CTNNA2: variants seen among roughly 807,000 people sequenced by gnomAD.
The protein encoded by CTNNA2 is catenin alpha 2.
In CTNNA2, 42 loss-of-function variants were observed where a neutral mutation model predicts 101.0. The ratio of observed to expected loss-of-function variants is 0.42; its 90% CI spans 0.32 to 0.54. The LOEUF (loss-of-function observed/expected upper bound fraction) is 0.54, where lower values mean the gene tolerates loss of function less well. Ranked by LOEUF, CTNNA2 falls within the 20% of genes least tolerant of loss-of-function variation. CTNNA2 has a pLI of 0.14. For synonymous variants in CTNNA2, 450 were observed against 456.4 expected (o/e 0.99, Z 0.18); for missense variants, 871 against 1,223.1 (o/e 0.71, Z 4.29).
At chr2:80,624,557 C>T (rs1671477169) in intron 18 of CTNNA2, among the ~76,000 whole-genome samples, 1 of 151,928 alleles carries the variant, frequency 6.6e-6, no homozygotes, top group African/African-American at 2.4e-5. Context: ...GAAAGTGAGT[C>T]TTAGTTCACA....
At chr2:80,443,039 A>G (rs940446012) in intron 9 of CTNNA2, among the ~76,000 whole-genome samples, 1 of 152,136 alleles carries the variant, frequency 6.6e-6, no homozygotes, top group African/African-American at 2.4e-5. Context: ...TTCCTTTAGG[A>G]TCTGCAATTG....
chr2:79,212,418 C>T (rs145454818), intron 2 of CTNNA2, among the ~76,000 whole-genome samples: 4 of 152,166 alleles, frequency 2.6e-5, no homozygotes, highest in African/African-American at 9.7e-5. Flanking sequence ...ATTCTGAGGA[C>T]AGGCCTGAAT....
upstream of CTNNA2, among the ~76,000 whole-genome samples, chr2:79,510,184 T>C (rs1237317263): frequency 6.6e-6 from 1 of 152,218 alleles, no homozygotes; most frequent in African/African-American, 2.4e-5. Context: ...ATGATCCTTT[T>C]GTTTGATATT....
intron 1 of CTNNA2, among the ~76,000 whole-genome samples, chr2:79,594,699 T>C (rs1372940810): frequency 6.6e-6 from 1 of 152,164 alleles, no homozygotes; most frequent in Non-Finnish European, 1.5e-5. Flanking sequence ...TTTCTCTTCC[T>C]GTTTCTTTCT....
At chr2:79,901,437 G>C (rs1260224558) in intron 6 of CTNNA2, among the ~76,000 whole-genome samples, 1 of 152,000 alleles carries the variant, frequency 6.6e-6, no homozygotes, top group African/African-American at 2.4e-5. Flanking sequence ...TTACAGAATT[G>C]TCACAATCAA....
intron 4 of CTNNA2, among the ~76,000 whole-genome samples, chr2:79,460,858 T>G (rs957382714): frequency 2.0e-5 from 3 of 152,094 alleles, no homozygotes; most frequent in Non-Finnish European, 2.9e-5. Flanking sequence ...CTTTTTCTTT[T>G]CGAGACAGGG....
chr2:79,582,734 T>C (rs372062400), intron 1 of CTNNA2, among the ~76,000 whole-genome samples: 3 of 152,266 alleles, frequency 2.0e-5, no homozygotes, highest in South Asian at 2.1e-4. Context: ...TTCTTCCCTC[T>C]TTTCAATGCC....
chr2:79,979,744 A>T (rs1284425454), intron 7 of CTNNA2, among the ~76,000 whole-genome samples: 10 of 152,210 alleles, frequency 6.6e-5, no homozygotes, highest in Non-Finnish European at 1.5e-4. Flanking sequence ...AAATACTAAG[A>T]TAAAGCCAGA....
At chr2:80,064,983 G>A (rs750332116) in intron 7 of CTNNA2, among the ~76,000 whole-genome samples, 3 of 152,126 alleles carry the variant, frequency 2.0e-5, no homozygotes, top group African/African-American at 7.2e-5. Context: ...ATTTTATGAA[G>A]AATTTATACT....
intron 8 of CTNNA2, among the ~76,000 whole-genome samples, chr2:80,404,689 G>A (rs1329863981): frequency 1.3e-5 from 2 of 152,140 alleles, no homozygotes. Flanking sequence ...AGGGGTGGAA[G>A]GGACACTATG....
chr2:80,309,726 G>T (rs189873883), intron 7 of CTNNA2, among the ~76,000 whole-genome samples: 132 of 141,964 alleles, frequency 9.3e-4, no homozygotes, highest in African/African-American at 3.1e-3. Context: ...ACGGAGTCTC[G>T]CACGGTCACC....
At position 79,306,742 on chromosome 2, in the gene CTNNA2, GT is replaced by G. The variant is rs571223209; in HGVS notation, c.-405-5963del. Among the ~76,000 whole-genome samples, 545 of 152,250 alleles carry G rather than the reference GT, an allele frequency of 3.6e-3. 3 individuals are homozygous for G. Among genetic ancestry groups the G allele is most frequent in the African/African-American group, 0.013 (522 of 41,554 alleles). ...ATGGCTCTCCAGAATAACTATAATA[GT>G]TTTCAAGTCCAGTGTTTTCAACATT... On this transcript the variant is annotated intron_variant, in intron 2 of 21. Transcript: ENST00000466387.
intron 7 of CTNNA2, among the ~76,000 whole-genome samples, chr2:80,310,827 G>A (rs1677493949): frequency 6.6e-6 from 1 of 152,010 alleles, no homozygotes; most frequent in South Asian, 2.1e-4. Context: ...CAAAAAATTA[G>A]CTGGGCCTGG....
At chr2:79,597,838 A>G (rs1677301621) in intron 1 of CTNNA2, among the ~76,000 whole-genome samples, 1 of 152,164 alleles carries the variant, frequency 6.6e-6, no homozygotes, top group Non-Finnish European at 1.5e-5. Context: ...GATGGTGTGT[A>G]TTCTATGTAT....
chr2:79,363,121 A>G (rs950566206), intron 3 of CTNNA2, among the ~76,000 whole-genome samples: 3 of 152,240 alleles, frequency 2.0e-5, no homozygotes, highest in Non-Finnish European at 4.4e-5. Context: ...TAGGTGGCTT[A>G]AACAACAGAA....
chr2:79,243,981 C>T (rs1674666315), intron 2 of CTNNA2, among the ~76,000 whole-genome samples: 1 of 152,084 alleles, frequency 6.6e-6, no homozygotes, highest in Non-Finnish European at 1.5e-5. Context: ...AAAGCAGGGT[C>T]TGAGCATGTG....
At chr2:80,419,686 T>G (rs1242028336) in intron 9 of CTNNA2, 85 bp downstream of exon 9, 19 of 1,357,158 alleles carry the variant, frequency 1.4e-5, no homozygotes, top group Non-Finnish European at 1.7e-5. Context: ...TAGAGAGATA[T>G]TCTATTGTAT....
intron 3 of CTNNA2, among the ~76,000 whole-genome samples, chr2:79,321,231 C>T (rs921250125): frequency 1.3e-5 from 2 of 152,106 alleles, no homozygotes; most frequent in African/African-American, 4.8e-5. Context: ...AGAGGTCAAG[C>T]AACTTTGTTG....
chr2:80,233,076 C>T (rs1350580165), intron 7 of CTNNA2, among the ~76,000 whole-genome samples: 1 of 152,138 alleles, frequency 6.6e-6, no homozygotes, highest in Admixed American at 6.5e-5. Flanking sequence ...TCTTTAGTTG[C>T]TTCGTGACAT....
Sources: gnomAD v4.1 joint callset for allele counts (sites outside exome capture counted in the v4.1 genomes callset) on GRCh38, gnomAD v4.1.1 for gene constraint, MANE v1.5 for transcripts, NCBI Gene and HGNC (gene_info 2026-07-23, HGNC 2026-07-21) for gene names.